The following DEPDC1B variants were observed in gnomAD, a reference collection of about 807,000 sequenced individuals.
The protein encoded by DEPDC1B is DEP domain-containing protein 1B.
In DEPDC1B, 51 loss-of-function variants were observed where a neutral mutation model predicts 66.5. That is an observed-to-expected ratio of 0.77 (90% CI 0.61 to 0.97). The LOEUF (loss-of-function observed/expected upper bound fraction) is 0.97. Ranked by LOEUF, DEPDC1B falls within the 50% of genes least tolerant of loss-of-function variation. The pLI is 0.00. For synonymous variants in DEPDC1B, 226 were observed against 223.6 expected (o/e 1.01, Z -0.10); for missense variants, 552 against 637.1 (o/e 0.87, Z 1.44).
intron 7 of DEPDC1B, among the ~76,000 whole-genome samples, chr5:60,622,831 CTTG>C (rs1435779434): frequency 2.0e-5 from 3 of 151,972 alleles, no homozygotes; most frequent in African/African-American, 7.3e-5. Context: ...CATATATATT[CTTG>C]TTGTGTCCAG....
intron 6 of DEPDC1B, among the ~76,000 whole-genome samples, chr5:60,640,373 A>T (rs1406726217): frequency 6.6e-6 from 1 of 152,192 alleles, no homozygotes. Flanking sequence ...CTTCTTAAAA[A>T]TATGCAAAAA....
intron 2 of DEPDC1B, among the ~76,000 whole-genome samples, chr5:60,662,324 C>T (rs1753735390): frequency 6.6e-6 from 1 of 151,972 alleles, no homozygotes; most frequent in African/African-American, 2.4e-5. Context: ...GGAGGCAGAG[C>T]TTGCGGTGAG....
chr5:60,625,355 C>T (rs1053043310), intron 7 of DEPDC1B, among the ~76,000 whole-genome samples: 3 of 152,140 alleles, frequency 2.0e-5, no homozygotes, highest in African/African-American at 7.2e-5. Flanking sequence ...TTTACACTTC[C>T]ACCAACAGTG....
At chr5:60,666,251 G>A (rs563039357) in intron 2 of DEPDC1B, among the ~76,000 whole-genome samples, 44 of 152,212 alleles carry the variant, frequency 2.9e-4, no homozygotes, top group African/African-American at 9.2e-4. Flanking sequence ...TCGTCTAATC[G>A]AGCTGAACAC....
intron 7 of DEPDC1B, among the ~76,000 whole-genome samples, chr5:60,622,288 A>T (rs1426576746): frequency 6.6e-6 from 1 of 152,084 alleles, no homozygotes; most frequent in Non-Finnish European, 1.5e-5. Flanking sequence ...GCCTCCATAG[A>T]TTCCCCTTTC....
chr5:60,670,258 C>T (rs77389608), intron 2 of DEPDC1B, among the ~76,000 whole-genome samples: 10,867 of 152,166 alleles, frequency 0.071, 659 homozygotes, highest in East Asian at 0.2. Context: ...GTGGCAGGCG[C>T]CTGTAGTCCC....
chr5:60,612,697 A>G (rs1283589818), intron 7 of DEPDC1B, among the ~76,000 whole-genome samples: 1 of 145,858 alleles, frequency 6.9e-6, no homozygotes, highest in Non-Finnish European at 1.5e-5. Context: ...TTACTTTCAA[A>G]TGGTTCAGAA....
At chr5:60,616,508 T>G (rs1047677786) in intron 7 of DEPDC1B, among the ~76,000 whole-genome samples, 16 of 152,132 alleles carry the variant, frequency 1.1e-4, no homozygotes, top group Admixed American at 9.8e-4. Context: ...CAAGCCTCAG[T>G]TGCTGATTCG....
At chr5:60,666,234 C>T (rs1427645437) in intron 2 of DEPDC1B, among the ~76,000 whole-genome samples, 1 of 152,106 alleles carries the variant, frequency 6.6e-6, no homozygotes, top group Non-Finnish European at 1.5e-5. Context: ...GGCTAAGGGC[C>T]CAGGGTTCGT....
chr5:60,683,276 T>A (rs996772803), intron 2 of DEPDC1B, among the ~76,000 whole-genome samples: 2 of 151,886 alleles, frequency 1.3e-5, no homozygotes, highest in African/African-American at 2.4e-5. Context: ...CAAAATTTTT[T>A]AAAAAAATTA....
At chr5:60,635,366 A>C (rs2111839145) in intron 7 of DEPDC1B, among the ~76,000 whole-genome samples, 1 of 151,826 alleles carries the variant, frequency 6.6e-6, no homozygotes, top group African/African-American at 2.4e-5. Context: ...GGAAACCCTA[A>C]CCTTAAGGAT....
At chr5:60,604,215 A>ATTATTTTTTTTTTTT (rs1323826916) in intron 8 of DEPDC1B, among the ~76,000 whole-genome samples, 4 of 60,122 alleles carry the variant, frequency 6.7e-5, no homozygotes, top group Non-Finnish European at 1.2e-4. Flanking sequence ...GAAATTAACT[A>ATTATTTTTTTTTTTT]TTCTTTTTTT....
At chr5:60,613,828 G>GTGTA (rs3989094) in intron 7 of DEPDC1B, among the ~76,000 whole-genome samples, 9,817 of 144,326 alleles carry the variant, frequency 0.068, 439 homozygotes, top group African/African-American at 0.096. Context: ...GTGTGTGTGT[G>GTGTA]TATACATAAA....
At chr5:60,686,900 C>A in intron 2 of DEPDC1B, 62 bp downstream of exon 2, 1 of 1,588,580 alleles carries the variant, frequency 6.3e-7, no homozygotes, top group Non-Finnish European at 8.6e-7. Context: ...CTTCAACAGA[C>A]TTGGACCAGA....
chr5:60,671,852 T>C (rs966279834), intron 2 of DEPDC1B, among the ~76,000 whole-genome samples: 1 of 152,216 alleles, frequency 6.6e-6, no homozygotes, highest in Non-Finnish European at 1.5e-5. Context: ...CTGCCACATA[T>C]CAGACACCAA....
At chr5:60,658,836 A>C (rs529319933) in intron 2 of DEPDC1B, among the ~76,000 whole-genome samples, 100 of 152,084 alleles carry the variant, frequency 6.6e-4, no homozygotes, top group Non-Finnish European at 1.3e-3. Context: ...CTTTTGGTCC[A>C]TGTTTGTTAC....
chr5:60,647,208 A>G (rs1295840141), intron 3 of DEPDC1B, among the ~76,000 whole-genome samples, 190 bp downstream of exon 3: 3 of 151,996 alleles, frequency 2.0e-5, no homozygotes, highest in African/African-American at 7.3e-5. Context: ...AACTATTTAC[A>G]TGCAAGAGTG....
At chr5:60,602,777 G>A (rs1480946215) in intron 9 of DEPDC1B, among the ~76,000 whole-genome samples, 7 of 152,078 alleles carry the variant, frequency 4.6e-5, no homozygotes, top group Admixed American at 2.6e-4. Flanking sequence ...CCATTTTAAC[G>A]CCTGAGGAAA....
intron 2 of DEPDC1B, among the ~76,000 whole-genome samples, chr5:60,672,186 T>TAA (rs1754057036): frequency 6.6e-6 from 1 of 152,160 alleles, no homozygotes; most frequent in Non-Finnish European, 1.5e-5. Flanking sequence ...TTCACCAGGG[T>TAA]AAAAAGTCTG....
Sources: allele counts gnomAD v4.1 joint callset (sites outside exome capture counted in the v4.1 genomes callset), GRCh38; gene constraint gnomAD v4.1.1; transcripts MANE v1.5; gene names NCBI Gene and HGNC (gene_info 2026-07-23, HGNC 2026-07-21).